Variants in METAP1 observed in about 807,000 individuals in gnomAD.
METAP1 encodes methionine aminopeptidase 1.
A neutral mutation model predicts 53.8 loss-of-function variants in METAP1; 28 were observed. The ratio of observed to expected loss-of-function variants is 0.52; its 90% CI spans 0.39 to 0.71. The LOEUF (loss-of-function observed/expected upper bound fraction) is 0.71. METAP1 is among the 30% of genes least tolerant of loss of function. The pLI, the probability that METAP1 is intolerant of heterozygous loss-of-function variation, is 0.00. For missense variants in METAP1, 389 were observed against 479.8 expected, an observed-to-expected ratio of 0.81 and a Z score of 1.77; for synonymous variants, 181 against 165.7, an observed-to-expected ratio of 1.09 and a Z score of -0.71.
chr4:99,004,749 T>A (rs1471861752), intron 1 of METAP1, among the ~76,000 whole-genome samples: 2 of 152,236 alleles, frequency 1.3e-5, no homozygotes, highest in South Asian at 2.1e-4. Context: ...GTTTTTGAAA[T>A]TTTTTTTACC....
chr4:98,997,892 C>T (rs1722713824), intron 1 of METAP1, among the ~76,000 whole-genome samples: 1 of 152,216 alleles, frequency 6.6e-6, no homozygotes, highest in African/African-American at 2.4e-5. Flanking sequence ...AAATTTCCCA[C>T]CAAATCAGTT....
intron 1 of METAP1, among the ~76,000 whole-genome samples, chr4:98,997,876 C>T (rs1184557661): frequency 1.3e-5 from 2 of 152,198 alleles, no homozygotes; most frequent in African/African-American, 4.8e-5. Flanking sequence ...CTATGGTCAG[C>T]TTTTAAAATT....
intron 1 of METAP1, among the ~76,000 whole-genome samples, chr4:99,020,212 A>C (rs1335676429): frequency 6.6e-6 from 1 of 152,094 alleles, no homozygotes; most frequent in Non-Finnish European, 1.5e-5. Flanking sequence ...TTGGAACCTA[A>C]AAACTGGTCA....
rs551500776 is a variant in METAP1, at chr4:99,062,630, A to G, written c.*1313A>G. The stretch of plus-strand genomic sequence containing the variant: ...GACCTTATTGCTTTAAAATATAATA[A>G]TGTTTTCATTACTTTTATTATTTGA... On this transcript the variant is annotated 3_prime_UTR_variant, in exon 11 of 11. Coordinates refer to ENST00000296411, the MANE Select transcript of METAP1 (RefSeq NM_015143.3). 1.3e-5 allele frequency: 2 copies of G among 152,702 alleles called. No homozygotes were observed. The highest frequency in any genetic ancestry group is 4.8e-5 in the African/African-American group (2 of 41,556). 9.5% of individuals were successfully genotyped at this position (152,702 alleles called of 1,614,324 possible).
At chr4:99,023,526 A>C in intron 1 of METAP1, 1 of 985,340 alleles carries the variant, frequency 1.0e-6, no homozygotes, top group Non-Finnish European at 1.2e-6. Context: ...CATCAACATG[A>C]ATTGATGTTA....
chr4:99,047,059 G>T (rs1015656373), intron 8 of METAP1, among the ~76,000 whole-genome samples: 2 of 152,072 alleles, frequency 1.3e-5, no homozygotes, highest in Non-Finnish European at 2.9e-5. Context: ...AACGAAAGTG[G>T]CTTGATCTTT....
Position 99,043,325 on chromosome 4 carries a change from A to G in METAP1, c.593A>G (p.Asn198Ser). 1 of 1,606,966 alleles carries G rather than the reference A, an allele frequency of 6.2e-7. No individual in the cohort carries two copies. Among genetic ancestry groups the G allele is most frequent in the Non-Finnish European group, 8.5e-7 (1 of 1,176,172 alleles). Residue 198 changes from asparagine (N) to serine (S), a missense_variant, in exon 7 of 11, where the codon AAT becomes AGT. By Grantham distance (46) the Asn-to-Ser change is conservative. Transcript: ENST00000296411. ...CCAAAGTCTTGTTGTACCTCAGTGA[A>G]TGAAGTCATTTGCCATGGAATACCA... The part of the protein sequence containing the change: ...NFPKSCCTSV[N>S]EVICHGIPDR...
chr4:99,048,597 T>G, intron 8 of METAP1, 136 bp from the exon 9 acceptor site: 1 of 939,448 alleles, frequency 1.1e-6, no homozygotes, highest in East Asian at 2.5e-5. Flanking sequence ...CTTGAACTCC[T>G]GAGCTCAGGC....
At chr4:99,015,674 A>C (rs1167816775) in intron 1 of METAP1, among the ~76,000 whole-genome samples, 1 of 152,176 alleles carries the variant, frequency 6.6e-6, no homozygotes, top group East Asian at 1.9e-4. Context: ...TATGGGAGTG[A>C]GAGACTGTTA....
intron 1 of METAP1, among the ~76,000 whole-genome samples, chr4:99,011,413 G>A (rs1374671312): frequency 6.6e-6 from 1 of 152,144 alleles, no homozygotes; most frequent in African/African-American, 2.4e-5. Flanking sequence ...CAATTGAGAT[G>A]ATTATGTGAT....
intron 1 of METAP1, chr4:99,022,638 C>T (rs945947835): frequency 3.3e-6 from 3 of 895,736 alleles, no homozygotes; most frequent in Non-Finnish European, 5.3e-6. Flanking sequence ...TGTGTGCACA[C>T]CTGGCGCTCA....
chr4:99,031,928 G>A (rs551676785), intron 2 of METAP1, among the ~76,000 whole-genome samples: 1 of 152,284 alleles, frequency 6.6e-6, no homozygotes, highest in South Asian at 2.1e-4. Context: ...GCTTACAAAT[G>A]TATATTTATA....
chr4:99,056,532 GTTTGTTT>G (rs1727130451), intron 9 of METAP1, among the ~76,000 whole-genome samples: 1 of 151,758 alleles, frequency 6.6e-6, no homozygotes, highest in Admixed American at 6.6e-5. Context: ...CTCCTTAGTT[GTTTGTTT>G]TTTGTTTTGT....
chr4:99,014,959 G>T (rs1370932439), intron 1 of METAP1, among the ~76,000 whole-genome samples: 3 of 152,204 alleles, frequency 2.0e-5, no homozygotes, highest in African/African-American at 7.2e-5. Flanking sequence ...CTCGGGGGCT[G>T]ACCCTCAGGG....
intron 9 of METAP1, among the ~76,000 whole-genome samples, chr4:99,052,038 C>A (rs1166909715): frequency 6.6e-6 from 1 of 152,106 alleles, no homozygotes; most frequent in Admixed American, 6.5e-5. Flanking sequence ...GGTTCTAGAC[C>A]CTTGCAATAT....
At chr4:99,024,422 G>C (rs569631968) in intron 1 of METAP1, among the ~76,000 whole-genome samples, 1 of 152,296 alleles carries the variant, frequency 6.6e-6, no homozygotes, top group Non-Finnish European at 1.5e-5. Context: ...GGGGATCAGA[G>C]TTTTTACGGA....
intron 1 of METAP1, chr4:99,005,922 G>T (rs1723155394): frequency 4.3e-6 from 1 of 233,054 alleles, no homozygotes; most frequent in Non-Finnish European, 8.9e-6. Flanking sequence ...CTCAGAAAGG[G>T]GGAGGGCTGG....
At chr4:99,048,920 A>C in intron 9 of METAP1, 44 bp downstream of exon 9, 1 of 1,582,022 alleles carries the variant, frequency 6.3e-7, no homozygotes, top group Non-Finnish European at 8.6e-7. Context: ...CCATTTATTC[A>C]ACAAATACTT....
At chr4:99,045,714 A>C (rs1252758269) in intron 8 of METAP1, among the ~76,000 whole-genome samples, 1 of 151,948 alleles carries the variant, frequency 6.6e-6, no homozygotes, top group Admixed American at 6.6e-5. Context: ...CTCCCCTCTT[A>C]TCTCTCTCTT....
Sources: allele counts gnomAD v4.1 joint callset (sites outside exome capture counted in the v4.1 genomes callset), GRCh38; gene constraint gnomAD v4.1.1; transcripts MANE v1.5; gene names NCBI Gene and HGNC (gene_info 2026-07-23, HGNC 2026-07-21).